The following TAF4B variants were observed in gnomAD, a reference collection of about 807,000 sequenced individuals.
TAF4B encodes the protein transcription initiation factor TFIID subunit 4B.
TAF4B carries 38 observed loss-of-function variants against 86.4 expected under a neutral mutation model. The observed-to-expected ratio is 0.44, with a 90% CI of 0.34 to 0.58. The LOEUF is 0.58. Among genes scored for constraint, TAF4B ranks in the 20% least tolerant of loss-of-function variants. The probability of loss-of-function intolerance (pLI) is 0.02; values close to 1 mark genes in which losing one functional copy is unlikely to be tolerated. For synonymous variants in TAF4B, 388 were observed against 391.2 expected, an observed-to-expected ratio of 0.99 and a Z score of 0.10; for missense variants, 988 against 1,027.6, an observed-to-expected ratio of 0.96 and a Z score of 0.53.
At chr18:26,281,164 G>A (rs1180038708) in intron 5 of TAF4B, among the ~76,000 whole-genome samples, 1 of 152,044 alleles carries the variant, frequency 6.6e-6, no homozygotes, top group Non-Finnish European at 1.5e-5. Flanking sequence ...GGGGTTGTGT[G>A]GGCTGAAAAA....
chr18:26,231,023 G>A (rs948722295), intron 1 of TAF4B, among the ~76,000 whole-genome samples: 1 of 121,504 alleles, frequency 8.2e-6, no homozygotes, highest in African/African-American at 2.9e-5. Flanking sequence ...AACTTGTGGT[G>A]TGTTGTTTTG....
intron 1 of TAF4B, among the ~76,000 whole-genome samples, chr18:26,256,909 T>A (rs890028420): frequency 2.0e-5 from 3 of 152,034 alleles, no homozygotes; most frequent in Non-Finnish European, 2.9e-5. Context: ...AAAGTAATTG[T>A]GTTTTTTTTG....
chr18:26,320,185 A>T (rs1464019364), intron 10 of TAF4B, among the ~76,000 whole-genome samples: 1 of 152,238 alleles, frequency 6.6e-6, no homozygotes, highest in Non-Finnish European at 1.5e-5. Flanking sequence ...ATAATATTTT[A>T]AAAATTCATG....
chr18:26,287,539 A>G (rs2056540221), intron 7 of TAF4B, among the ~76,000 whole-genome samples: 1 of 152,232 alleles, frequency 6.6e-6, no homozygotes, highest in African/African-American at 2.4e-5. Flanking sequence ...CCAGAAGGCT[A>G]TGAAAGTATT....
intron 11 of TAF4B, among the ~76,000 whole-genome samples, chr18:26,326,190 C>G (rs534172528): frequency 4.7e-4 from 72 of 152,280 alleles, no homozygotes; most frequent in African/African-American, 1.5e-3. Context: ...CCCTGTCCCC[C>G]ACTCCTGCCT....
In TAF4B at chr18:26,274,703, G is replaced by T. The variant is rs768597043; in HGVS notation, c.638G>T (p.Gly213Val). 6.2e-7 allele frequency: 1 copy of T among 1,614,104 alleles called. No homozygotes were observed. The highest frequency in any genetic ancestry group is 1.1e-5 in the South Asian group (1 of 91,082). Residue 213 changes from glycine (G) to valine (V), a missense_variant, in exon 4 of 15, where the codon GGA becomes GTA. Gly to Val is a moderately radical substitution (Grantham distance 109). Transcript: ENST00000269142. The stretch of plus-strand genomic sequence containing the variant: ...ACCAGTGTCGTCACAGTTACTCCTG[G>T]AAAGCCATTGAATACTGTAACTACC... ...VPTSVVTVTP[G>V]KPLNTVTTLK... is the part of the protein sequence containing the mutation.
chr18:26,378,423 G>A (rs1435286232), intron 14 of TAF4B, among the ~76,000 whole-genome samples: 2 of 152,094 alleles, frequency 1.3e-5, no homozygotes. Context: ...CTATCATAAT[G>A]TTTGTGGATG....
rs1382182044 is a variant in TAF4B, at chr18:26,346,714, A to G, written c.2317-10976A>G. 3.7e-5 allele frequency among the ~76,000 whole-genome samples: 5 copies of G among 134,850 alleles called. No individual in the cohort carries two copies. In the Admixed American group the frequency reaches 3.9e-4, roughly 11 times the overall value. The allele number at this position is 134,850 out of a possible 152,430, so 88.5% of individuals were successfully genotyped here. A position where few individuals can be genotyped will look rare whatever the true frequency, so the allele number is the denominator to read the frequency against. ...ATATATTCAAAATACTGAAAAGGAAAATTTTAAAAAACTGCTAGCCAAGAA... is the reference window on the plus strand; with the variant it reads ...ATATATTCAAAATACTGAAAAGGAAGATTTTAAAAAACTGCTAGCCAAGAA... On this transcript the variant is annotated intron_variant, in intron 13 of 14. Coordinates refer to ENST00000269142, the MANE Select transcript of TAF4B (RefSeq NM_005640.3).
chr18:26,288,283 A>G (rs1409573925), intron 7 of TAF4B, among the ~76,000 whole-genome samples: 1 of 152,224 alleles, frequency 6.6e-6, no homozygotes, highest in Non-Finnish European at 1.5e-5. Flanking sequence ...AAATAATTTT[A>G]TGATAAAAAG....
chr18:26,363,929 T>C (rs986798988), intron 14 of TAF4B, among the ~76,000 whole-genome samples: 1 of 152,180 alleles, frequency 6.6e-6, no homozygotes, highest in African/African-American at 2.4e-5. Context: ...GTTGGGAAGA[T>C]TGAATAGAAT....
At chr18:26,314,497 A>G (rs2056882506) in intron 9 of TAF4B, among the ~76,000 whole-genome samples, 1 of 152,172 alleles carries the variant, frequency 6.6e-6, no homozygotes, top group Non-Finnish European at 1.5e-5. Flanking sequence ...GTATATGTAC[A>G]TGAGTGTGTT....
intron 12 of TAF4B, among the ~76,000 whole-genome samples, chr18:26,334,285 T>C (rs2057073791): frequency 6.6e-6 from 1 of 152,194 alleles, no homozygotes; most frequent in East Asian, 1.9e-4. Context: ...AATCAATAAA[T>C]GTATCAGGTA....
Position 26,357,790 on chromosome 18 carries a change from T to A in TAF4B, c.2417T>A (p.Ile806Asn), listed in dbSNP as rs755779357. ...AAGAAGAGACCACTAGAATCTGGAA[T>A]TGAGGTATTGAAATAATATTCATTA... ...PRKKRPLESG[I>N]EGLKDNLLAS... Residue 806 changes from isoleucine (I) to asparagine (N), a missense_variant, in exon 14 of 15, where the codon ATT becomes AAT. Around this residue, in one of 3 missense-constraint regions of TAF4B, gnomAD observed 216 missense variants for 238.4 expected, o/e 0.91. Transcript: ENST00000269142. 1 of 1,594,894 alleles carries A rather than the reference T, an allele frequency of 6.3e-7. No individual in the cohort carries two copies. Among genetic ancestry groups the A allele is most frequent in the Non-Finnish European group, 8.6e-7 (1 of 1,167,528 alleles).
chr18:26,282,552 A>C (rs1791769), intron 6 of TAF4B, among the ~76,000 whole-genome samples: 1 of 152,186 alleles, frequency 6.6e-6, no homozygotes. Context: ...GCAAGTTATA[A>C]TATTTTTGAT....
In TAF4B at chr18:26,391,616, A is replaced by G. The variant is rs928641041; in HGVS notation, c.*1604A>G. 6.6e-6 allele frequency: 1 copy of G among 152,200 alleles called. No individual in the cohort carries two copies. The highest frequency in any genetic ancestry group is 1.5e-5 in the Non-Finnish European group (1 of 68,044). 9.4% of individuals were successfully genotyped at this position (152,200 alleles called of 1,614,324 possible). A position where few individuals can be genotyped will look rare whatever the true frequency, so the allele number is the denominator to read the frequency against. On this transcript the variant is annotated 3_prime_UTR_variant, in exon 15 of 15. Coordinates refer to ENST00000269142, the MANE Select transcript of TAF4B (RefSeq NM_005640.3). Reference sequence around the variant, plus strand: ...TAAAGTGCAGCATACTCATTTGTGTATAATCTTACTGATCAGATGTTTAAA... The same window carrying G: ...TAAAGTGCAGCATACTCATTTGTGTGTAATCTTACTGATCAGATGTTTAAA...
intron 11 of TAF4B, among the ~76,000 whole-genome samples, chr18:26,321,636 CG>C: frequency 1.3e-5 from 2 of 150,912 alleles, no homozygotes; most frequent in Non-Finnish European, 2.9e-5. Flanking sequence ...AGGTATACAA[CG>C]TGTTAAAGAT....
intron 1 of TAF4B, among the ~76,000 whole-genome samples, chr18:26,245,959 A>T (rs2055917681): frequency 6.6e-6 from 1 of 152,172 alleles, no homozygotes; most frequent in Non-Finnish European, 1.5e-5. Flanking sequence ...TTGCATGTGT[A>T]TTTTTGTGCA....
chr18:26,297,566 A>G (rs1045151510), intron 9 of TAF4B, among the ~76,000 whole-genome samples: 1 of 152,190 alleles, frequency 6.6e-6, no homozygotes, highest in African/African-American at 2.4e-5. Context: ...CCCAATTCAT[A>G]TCATCAATAT....
At chr18:26,251,597 G>A (rs1753831447) in intron 1 of TAF4B, among the ~76,000 whole-genome samples, 2 of 152,288 alleles carry the variant, frequency 1.3e-5, no homozygotes, top group South Asian at 2.1e-4. Flanking sequence ...ACGGTGCTAT[G>A]TAACCTAATA....
Sources: gnomAD v4.1 joint callset for allele counts (sites outside exome capture counted in the v4.1 genomes callset) on GRCh38, gnomAD v4.1.1 for gene constraint, gnomAD v4.1.1 regional missense constraint, MANE v1.5 for transcripts, NCBI Gene and HGNC (gene_info 2026-07-23, HGNC 2026-07-21) for gene names.